The following PTPRJ variants were observed in gnomAD, a reference collection of about 807,000 sequenced individuals.
PTPRJ encodes receptor-type tyrosine-protein phosphatase eta.
In PTPRJ, 129 loss-of-function variants were observed where a neutral mutation model predicts 141.3. The ratio of observed to expected loss-of-function variants is 0.91; its 90% CI spans 0.79 to 1.06. The LOEUF is 1.06. Ranked by LOEUF, PTPRJ falls within the 50% of genes least tolerant of loss-of-function variation. PTPRJ has a pLI of 0.00. For synonymous variants in PTPRJ, 610 were observed against 640.5 expected, an observed-to-expected ratio of 0.95 and a Z score of 0.72; for missense variants, 1,601 against 1,679.7, an observed-to-expected ratio of 0.95 and a Z score of 0.82.
intron 3 of PTPRJ, 124 bp downstream of exon 3, chr11:48,113,107 T>A: frequency 4.0e-6 from 3 of 746,942 alleles, no homozygotes; most frequent in Non-Finnish European, 4.3e-6. Context: ...AAAATTTTTA[T>A]AAAGATAGTA....
chr11:48,004,151 G>C (rs1326569169), intron 1 of PTPRJ, among the ~76,000 whole-genome samples: 1 of 152,110 alleles, frequency 6.6e-6, no homozygotes, highest in African/African-American at 2.4e-5. Flanking sequence ...CTTGCAGAAT[G>C]AAATATGACT....
At chr11:48,149,645 GA>G (rs1590559949) in intron 16 of PTPRJ, 157 bp downstream of exon 16, 2 of 569,474 alleles carry the variant, frequency 3.5e-6, no homozygotes, top group East Asian at 6.4e-5. Context: ...TTTCTGCAAG[GA>G]ATCTATGTTT....
Position 48,144,826 on chromosome 11 carries a change from G to C in PTPRJ, c.2727G>C (p.Gly909=), listed in dbSNP as rs1340431690. The change falls in exon 13 of 25, where the codon GGG becomes GGC. Residue 909 remains glycine (G), a synonymous_variant. Transcript: ENST00000418331. ...SEVLKYEIDV[G]NESTTLGYYN... ...TTTTGAAATATGAAATTGACGTTGGGAATGAGTCAACCACACTTGGTTATT... is the reference window on the plus strand; with the variant it reads ...TTTTGAAATATGAAATTGACGTTGGCAATGAGTCAACCACACTTGGTTATT... The C allele has an allele frequency of 6.2e-7, 1 of 1,614,180 alleles. No individual in the cohort carries two copies. Among genetic ancestry groups the C allele is most frequent in the African/African-American group, 1.3e-5 (1 of 75,042 alleles).
At chr11:48,135,977 G>T in intron 8 of PTPRJ, 62 bp from the exon 9 acceptor site, 1 of 1,568,496 alleles carries the variant, frequency 6.4e-7, no homozygotes, top group Non-Finnish European at 8.7e-7. Context: ...ACAGCACTTG[G>T]AGAGGAAGCT....
chr11:48,134,965 G>A (rs987301593), intron 8 of PTPRJ, among the ~76,000 whole-genome samples: 1 of 152,124 alleles, frequency 6.6e-6, no homozygotes, highest in Non-Finnish European at 1.5e-5. Flanking sequence ...GCTGTGTCAC[G>A]GGAAGATGTT....
intron 1 of PTPRJ, among the ~76,000 whole-genome samples, chr11:47,993,102 C>T (rs1232712987): frequency 6.6e-6 from 1 of 152,078 alleles, no homozygotes; most frequent in African/African-American, 2.4e-5. Context: ...CAGGAAGAAC[C>T]AAATTGTCGA....
At chr11:48,156,802 G>T (rs963456540) in intron 21 of PTPRJ, among the ~76,000 whole-genome samples, 1 of 151,910 alleles carries the variant, frequency 6.6e-6, no homozygotes, top group Admixed American at 6.6e-5. Flanking sequence ...GCCCAGGCTG[G>T]TGTCAAACTC....
intron 6 of PTPRJ, among the ~76,000 whole-genome samples, chr11:48,125,413 T>C (rs1156285165): frequency 2.0e-5 from 3 of 152,246 alleles, no homozygotes; most frequent in Non-Finnish European, 2.9e-5. Context: ...GCAGCCCCTG[T>C]GTGCGGGCAC....
rs768252355 is a variant in PTPRJ, at chr11:48,147,067, G to A, written c.2999+104G>A. 1.1e-5 allele frequency: 11 copies of A among 961,692 alleles called. 1 individual carries two copies. Among genetic ancestry groups the A allele is most frequent in the Non-Finnish European group, 1.8e-5 (11 of 600,498 alleles). 59.6% of individuals were successfully genotyped at this position (961,692 alleles called of 1,614,324 possible). A position where few individuals can be genotyped will look rare whatever the true frequency, so the allele number is the denominator to read the frequency against. Reference sequence around the variant, plus strand: ...ATTCAGAAGGAATGATATGATGAGCGCCATGTTCCCTTCACCCATAGTGTT... The same window carrying A: ...ATTCAGAAGGAATGATATGATGAGCACCATGTTCCCTTCACCCATAGTGTT... On this transcript the variant is annotated intron_variant, in intron 15 of 24. Coordinates refer to ENST00000418331, the MANE Select transcript of PTPRJ (RefSeq NM_002843.4).
chr11:47,991,341 G>A (rs1237752422), intron 1 of PTPRJ, among the ~76,000 whole-genome samples: 1 of 151,956 alleles, frequency 6.6e-6, no homozygotes, highest in African/African-American at 2.4e-5. Context: ...TCTTTATCTT[G>A]TGACCTGGCC....
intron 1 of PTPRJ, among the ~76,000 whole-genome samples, chr11:48,047,413 C>T (rs1854436011): frequency 1.3e-5 from 2 of 152,112 alleles, no homozygotes; most frequent in Admixed American, 6.6e-5. Context: ...TCTCTGCCTG[C>T]TGCAGGGGTC....
intron 1 of PTPRJ, among the ~76,000 whole-genome samples, chr11:48,070,797 T>C (rs1485931289): frequency 3.3e-5 from 5 of 152,238 alleles, no homozygotes; most frequent in African/African-American, 1.2e-4. Context: ...TATTATTCTG[T>C]GTGGAAAATT....
intron 1 of PTPRJ, among the ~76,000 whole-genome samples, chr11:48,044,330 A>G (rs1035260681): frequency 1.3e-5 from 2 of 152,142 alleles, no homozygotes; most frequent in Admixed American, 6.6e-5. Flanking sequence ...CATGAGGGCC[A>G]CTGTATGGTT....
intron 1 of PTPRJ, among the ~76,000 whole-genome samples, chr11:48,088,723 A>G (rs1855779317): frequency 6.6e-6 from 1 of 151,984 alleles, no homozygotes; most frequent in South Asian, 2.1e-4. Context: ...AGAGCTTCTT[A>G]TGGCTCTTAT....
chr11:48,001,349 A>AGT (rs57503257), intron 1 of PTPRJ, among the ~76,000 whole-genome samples: 22,413 of 134,480 alleles, frequency 0.17, 1,465 homozygotes, highest in Admixed American at 0.22. Context: ...ACAGCCCCAA[A>AGT]GTGTGTGTGT....
At chr11:48,152,580 G>A (rs1315093904) in intron 18 of PTPRJ, among the ~76,000 whole-genome samples, 1 of 152,124 alleles carries the variant, frequency 6.6e-6, no homozygotes, top group African/African-American at 2.4e-5. Flanking sequence ...TATGGTTTTA[G>A]GTCTGACATT....
At chr11:48,103,971 G>T (rs921219840) in intron 1 of PTPRJ, among the ~76,000 whole-genome samples, 1 of 152,190 alleles carries the variant, frequency 6.6e-6, no homozygotes, top group Non-Finnish European at 1.5e-5. Flanking sequence ...TCCTTCCACC[G>T]AAGCCTTCCA....
intron 1 of PTPRJ, among the ~76,000 whole-genome samples, chr11:48,084,507 C>T (rs965805914): frequency 1.3e-5 from 2 of 152,174 alleles, no homozygotes; most frequent in Admixed American, 1.3e-4. Context: ...TGGCCCATGT[C>T]CCCAATCAGG....
At chr11:48,135,760 G>A (rs940893527) in intron 8 of PTPRJ, among the ~76,000 whole-genome samples, 3 of 152,140 alleles carry the variant, frequency 2.0e-5, no homozygotes, top group Non-Finnish European at 2.9e-5. Context: ...TTACAGGCAT[G>A]AGCCATTGCA....
Sources: allele counts gnomAD v4.1 joint callset (sites outside exome capture counted in the v4.1 genomes callset), GRCh38; gene constraint gnomAD v4.1.1; transcripts MANE v1.5; gene names NCBI Gene and HGNC (gene_info 2026-07-23, HGNC 2026-07-21).